The following KRT73 variants were observed in gnomAD, a reference collection of about 807,000 sequenced individuals.
The protein encoded by KRT73 is keratin 73, also known as keratin, type II cytoskeletal 73.
A neutral mutation model predicts 47.2 loss-of-function variants in KRT73; 44 were observed. The ratio of observed to expected loss-of-function variants is 0.93; its 90% CI spans 0.73 to 1.20. The LOEUF (loss-of-function observed/expected upper bound fraction) is 1.20. Among genes scored for constraint, KRT73 ranks in the 50% most tolerant of loss-of-function variants. KRT73 has a pLI of 0.00. For missense variants in KRT73, 713 were observed against 704.5 expected, an observed-to-expected ratio of 1.01 and a Z score of -0.14; for synonymous variants, 285 against 291.3, an observed-to-expected ratio of 0.98 and a Z score of 0.22.
chr12:52,625,532 A>G, the KRT73 span, among the ~76,000 whole-genome samples: 3 of 152,200 alleles, frequency 2.0e-5, no homozygotes, highest in Admixed American at 6.5e-5. Flanking sequence ...ATATATTGCT[A>G]ATGAGAATGT....
At chr12:52,610,529 G>GCGGGGGGGGCGC in intron 7 of KRT73, 86 bp downstream of exon 7, 1 of 295,156 alleles carries the variant, frequency 3.4e-6, no homozygotes, top group South Asian at 2.7e-5. Context: ...CCAGCTCGCC[G>GCGGGGGGGGCGC]CCCCCTCCCC....
At position 52,611,221 on chromosome 12, in the gene KRT73, C is replaced by T. The variant is rs1940694371; in HGVS notation, c.1093G>A (p.Glu365Lys). Residue 365 changes from glutamate to lysine, a missense_variant, in exon 6 of 9, where the codon GAG (glutamate) becomes AAG (lysine). By Grantham distance (56) the Glu-to-Lys change is moderately conservative. Transcript: ENST00000305748. ...RLIQRLRSEI[E>K]SVKKQCANLE... ...CCCTTCACCTGCTTCTTCACACTCT[C>T]AATCTCCGAGCGCAGTCTTTGGATG... The T allele has an allele frequency of 1.9e-6, 3 of 1,614,182 alleles. No homozygotes were observed. The highest frequency in any genetic ancestry group is 1.1e-5 in the South Asian group (1 of 91,076).
the KRT73 span, among the ~76,000 whole-genome samples, chr12:52,624,818 CAA>C: frequency 0.34 from 50,571 of 149,764 alleles, 9,314 homozygotes; most frequent in African/African-American, 0.48. Context: ...GACAACAAAA[CAA>C]AAAAAAAAAA....
Position 52,618,461 on chromosome 12 carries a change from C to T in KRT73, c.64G>A (p.Ala22Thr), listed in dbSNP as rs114854019. Residue 22 changes from alanine to threonine, a missense_variant, in exon 1 of 9, where the codon GCT (alanine) becomes ACT (threonine). By Grantham distance (58) the Ala-to-Thr change is moderately conservative (BLOSUM62 0). Transcript: ENST00000305748. ...GATGAGCTGCCCCCTGAGAGCACAG[C>T]GGAGCAGCCGCTGAAGCCCCCCTTG... ...AAKGGFSGCS[A>T]VLSGGSSSSY... The T allele has an allele frequency of 3.3e-5, 54 of 1,613,386 alleles. No individual in the cohort carries two copies. In the African/African-American group the frequency reaches 4.4e-4, roughly 13 times the overall value.
At position 52,613,735 on chromosome 12, in the gene KRT73, TCTC is replaced by T; in HGVS notation, c.934_936del (p.Glu312del). On this transcript the variant is annotated inframe_deletion, in exon 5 of 9. Transcript: ENST00000305748. ...GCCTCGGCCTTGCTCTTCCGGGCGA[TCTC>T]CTCATACTGGGCACGGACCTCAGCA... 1 of 1,614,162 alleles carries T rather than the reference TCTC, an allele frequency of 6.2e-7. No homozygotes were observed. The highest frequency in any genetic ancestry group is 8.5e-7 in the Non-Finnish European group (1 of 1,180,016).
the KRT73 span, among the ~76,000 whole-genome samples, chr12:52,626,117 G>A: frequency 2.0e-5 from 3 of 152,202 alleles, no homozygotes; most frequent in Non-Finnish European, 4.4e-5. Context: ...TGTGATATGC[G>A]ATAGTACATC....
the KRT73 span, among the ~76,000 whole-genome samples, chr12:52,627,874 C>CAGCCAA: frequency 6.6e-6 from 1 of 151,942 alleles, no homozygotes; most frequent in Non-Finnish European, 1.5e-5. Context: ...TCAGCACAGA[C>CAGCCAA]AGCCAAGCAA....
chr12:52,615,441 T>C (rs1940796814), intron 2 of KRT73, 102 bp from the exon 3 acceptor site: 2 of 906,836 alleles, frequency 2.2e-6, no homozygotes, highest in East Asian at 4.9e-5. Flanking sequence ...ATATGCCTTT[T>C]AAGAGGTATT....
chr12:52,630,416 C>T, the KRT73 span, among the ~76,000 whole-genome samples: 1 of 152,298 alleles, frequency 6.6e-6, no homozygotes, highest in Non-Finnish European at 1.5e-5. Context: ...GCCAGCTTGT[C>T]CTGGGCATCT....
chr12:52,608,876 GCACAGTGGTCCACACACC>G (rs1940638910), intron 8 of KRT73, among the ~76,000 whole-genome samples: 17 of 152,354 alleles, frequency 1.1e-4, no homozygotes, highest in Middle Eastern at 6.8e-3. Flanking sequence ...AAACTGGCTT[GCACAGTGGTCCACACACC>G]AGTCTCCACT....
At chr12:52,613,992 G>A (rs1306784730) in intron 4 of KRT73, 140 bp from the exon 5 acceptor site, 5 of 1,319,678 alleles carry the variant, frequency 3.8e-6, no homozygotes, top group Non-Finnish European at 5.2e-6. Context: ...TAAGAACAGA[G>A]CTCACAGCCC....
intron 2 of KRT73, 133 bp from the exon 3 acceptor site, chr12:52,615,472 C>T: frequency 1.5e-6 from 1 of 645,470 alleles, no homozygotes; most frequent in African/African-American, 1.8e-5. Flanking sequence ...TTTGCAAGTC[C>T]ATCCCAACAC....
At chr12:52,628,911 A>G in the KRT73 span, among the ~76,000 whole-genome samples, 4 of 152,356 alleles carry the variant, frequency 2.6e-5, no homozygotes, top group South Asian at 6.2e-4. Flanking sequence ...AGGAGAGAGC[A>G]GGGCCAGAAG....
chr12:52,610,612 C>A lies in KRT73; in HGVS notation c.1331+3G>T. 1 of 1,609,650 alleles carries A rather than the reference C, an allele frequency of 6.2e-7. No homozygotes were observed. Among genetic ancestry groups the A allele is most frequent in the South Asian group, 1.1e-5 (1 of 90,912 alleles). On this transcript the variant is annotated splice_donor_region_variant and intron_variant, in intron 7 of 8. Transcript: ENST00000305748. ...TTTCTTCCAGTCCCTCGGTCCCACC[C>A]ACCTGCACTCCTCGCCCTCCAGCAG...
chr12:52,614,768 G>C, intron 3 of KRT73, 94 bp from the exon 4 acceptor site: 3 of 974,266 alleles, frequency 3.1e-6, no homozygotes, highest in Non-Finnish European at 3.0e-6. Flanking sequence ...GCCCTAGCTA[G>C]CTGCCCAGGA....
the KRT73 span, among the ~76,000 whole-genome samples, chr12:52,625,970 A>C: frequency 2.7e-5 from 4 of 145,632 alleles, no homozygotes; most frequent in East Asian, 8.1e-4. Flanking sequence ...AGAAATGGGG[A>C]ACAGATTAGT....
At chr12:52,617,880 G>A (rs1940842399) in intron 1 of KRT73, among the ~76,000 whole-genome samples, 198 bp downstream of exon 1, 1 of 152,220 alleles carries the variant, frequency 6.6e-6, no homozygotes, top group African/African-American at 2.4e-5. Context: ...GGCGGGGGAA[G>A]GAAGGGGCTC....
Position 52,616,287 on chromosome 12 carries a change from G to A in KRT73, c.541C>T (p.Pro181Ser). Residue 181 changes from proline to serine, a missense_variant, in exon 2 of 9, where the codon CCC becomes TCC. Transcript: ENST00000305748. The stretch of plus-strand genomic sequence containing the variant: ...TTGCTGATGTAGCCCTCAAGGATGG[G>A]CTCCAGGTTATTCTTGCAGTTGTTC... ...DLNNCKNNLE[P>S]ILEGYISNLR... The A allele has an allele frequency of 6.2e-7, 1 of 1,614,162 alleles. No homozygotes were observed. Among genetic ancestry groups the A allele is most frequent in the East Asian group, 2.2e-5 (1 of 44,872 alleles).
Position 52,608,346 on chromosome 12 carries a change from G to A in KRT73, c.1473C>T (p.Tyr491=). 1 of 1,613,808 alleles carries A rather than the reference G, an allele frequency of 6.2e-7. No individual in the cohort carries two copies. The highest frequency in any genetic ancestry group is 2.2e-5 in the East Asian group (1 of 44,880). The change falls in exon 9 of 9, where the codon TAC becomes TAT. Residue 491 remains tyrosine (Y), a synonymous_variant. Transcript: ENST00000305748. ...TGACACAGCCCCCAGGCAGCATGCT[G>A]TAGCCCCCGCTGACAGAGCTGGGCC... is the stretch of plus-strand genomic sequence containing the variant. ...GYWPSSVSGG[Y]SMLPGGCVTG... is the part of the protein sequence containing the mutation.
Sources: gnomAD v4.1 joint callset for allele counts (sites outside exome capture counted in the v4.1 genomes callset) on GRCh38, gnomAD v4.1.1 for gene constraint, MANE v1.5 for transcripts, NCBI Gene and HGNC (gene_info 2026-07-23, HGNC 2026-07-21) for gene names.